The following CSMD1 variants were observed in gnomAD, a reference collection of about 807,000 sequenced individuals.
The protein encoded by CSMD1 is CUB and Sushi multiple domains 1, also known as CUB and sushi domain-containing protein 1.
A neutral mutation model predicts 417.5 loss-of-function variants in CSMD1; 213 were observed. The observed-to-expected ratio is 0.51, with a 90% CI of 0.46 to 0.57. CSMD1 has a LOEUF of 0.57. CSMD1 is among the 20% of genes least tolerant of loss of function. The probability of loss-of-function intolerance (pLI) is 0.00; values close to 1 mark genes in which losing one functional copy is unlikely to be tolerated. For missense variants in CSMD1, 6,923 were observed against 4,529.7 expected (o/e 1.53, Z -15.17); for synonymous variants, 2,862 against 1,736.8 (o/e 1.65, Z -16.11).
intron 3 of CSMD1, among the ~76,000 whole-genome samples, chr8:4,190,614 C>G (rs1475239254): frequency 6.6e-6 from 1 of 150,636 alleles, no homozygotes; most frequent in Admixed American, 6.6e-5. Context: ...AATGGAAGCT[C>G]AAAGGGGTTA....
intron 1 of CSMD1, among the ~76,000 whole-genome samples, chr8:4,805,790 CGTTGAGATG>C (rs1798554141): frequency 1.3e-5 from 2 of 152,076 alleles, no homozygotes; most frequent in African/African-American, 4.8e-5. Context: ...AGGGTGAACA[CGTTGAGATG>C]AAATGTGGTC....
intron 50 of CSMD1, among the ~76,000 whole-genome samples, chr8:3,046,157 T>C (rs919827080): frequency 1.3e-4 from 20 of 152,196 alleles, no homozygotes; most frequent in Admixed American, 1.3e-3. Flanking sequence ...TTTTGATTGC[T>C]ATGCTCACAA....
chr8:3,391,754 C>G (rs60180727), intron 17 of CSMD1, among the ~76,000 whole-genome samples: 29,606 of 152,114 alleles, frequency 0.19, 2,960 homozygotes, highest in African/African-American at 0.25. Flanking sequence ...AAGTCAGCCT[C>G]GAGTACCTGT....
intron 5 of CSMD1, among the ~76,000 whole-genome samples, chr8:3,989,167 G>A (rs945383806): frequency 6.6e-6 from 1 of 152,202 alleles, no homozygotes; most frequent in Non-Finnish European, 1.5e-5. Context: ...CCAAGCGTCT[G>A]CTCATTTGCT....
At chr8:3,261,543 G>A (rs7820340) in intron 26 of CSMD1, among the ~76,000 whole-genome samples, 119,427 of 152,010 alleles carry the variant, frequency 0.79, 47,415 homozygotes, top group Non-Finnish European at 0.84. Context: ...GAAAACCTGC[G>A]CGTGAATGTT....
intron 3 of CSMD1, among the ~76,000 whole-genome samples, chr8:4,143,156 T>G (rs749259789): frequency 1.3e-5 from 2 of 150,940 alleles, no homozygotes; most frequent in Non-Finnish European, 2.9e-5. Context: ...ACAAATGCAC[T>G]AGCAAATGTG....
intron 5 of CSMD1, among the ~76,000 whole-genome samples, chr8:3,782,859 C>T (rs925543648): frequency 1.3e-5 from 2 of 151,922 alleles, no homozygotes; most frequent in Admixed American, 6.6e-5. Context: ...TGCCCTAGCT[C>T]GCCTGGGAAT....
In CSMD1 at chr8:3,524,414, C is replaced by T. The variant is rs184550458; in HGVS notation, c.1345-30688G>A. Among the ~76,000 whole-genome samples, 1,431 of 151,590 alleles carry T rather than the reference C, an allele frequency of 9.4e-3. 12 individuals are homozygous for T. The highest frequency in any genetic ancestry group is 0.03 in the South Asian group (143 of 4,776). ...ACACATGCACACCCAGACATATGCA[C>T]ACACAACCAGACACATCTGCATCTG... is the stretch of plus-strand genomic sequence containing the variant. On this transcript the variant is annotated intron_variant, in intron 10 of 69. Coordinates refer to ENST00000635120, the MANE Select transcript of CSMD1 (RefSeq NM_033225.6).
At chr8:3,371,925 G>A (rs1012388766) in intron 18 of CSMD1, among the ~76,000 whole-genome samples, 8 of 152,270 alleles carry the variant, frequency 5.3e-5, no homozygotes, top group South Asian at 2.1e-4. Flanking sequence ...TCAACAAATC[G>A]TTATTGGGCA....
chr8:3,240,071 G>C (rs986576957), intron 26 of CSMD1, among the ~76,000 whole-genome samples: 1 of 152,178 alleles, frequency 6.6e-6, no homozygotes, highest in African/African-American at 2.4e-5. Context: ...GCCTCTAAAA[G>C]GATTAGGGTG....
chr8:4,014,598 G>C (rs898173426), intron 4 of CSMD1, among the ~76,000 whole-genome samples: 4 of 152,170 alleles, frequency 2.6e-5, no homozygotes, highest in African/African-American at 7.2e-5. Context: ...TCACTCCTGT[G>C]AGATTAAAAG....
chr8:3,488,086 GTAT>G (rs34188243), intron 11 of CSMD1, among the ~76,000 whole-genome samples: 2,639 of 148,266 alleles, frequency 0.018, 66 homozygotes, highest in East Asian at 0.12. Flanking sequence ...GAAACTCATA[GTAT>G]TATTATTATT....
chr8:3,487,320 G>C (rs565408377), intron 11 of CSMD1, among the ~76,000 whole-genome samples: 1 of 152,184 alleles, frequency 6.6e-6, no homozygotes, highest in African/African-American at 2.4e-5. Flanking sequence ...TCCTGCCTCA[G>C]CCTCCCAAGT....
intron 2 of CSMD1, among the ~76,000 whole-genome samples, chr8:4,423,616 A>G (rs1797375283): frequency 6.6e-6 from 1 of 152,082 alleles, no homozygotes; most frequent in African/African-American, 2.4e-5. Flanking sequence ...AATAATGTAA[A>G]GATATAGGTT....
intron 6 of CSMD1, among the ~76,000 whole-genome samples, chr8:3,739,223 T>A (rs1796674962): frequency 6.6e-6 from 1 of 152,186 alleles, no homozygotes; most frequent in Admixed American, 6.5e-5. Context: ...GTCCTCAAAC[T>A]TTTGTCCCAG....
intron 1 of CSMD1, among the ~76,000 whole-genome samples, chr8:4,909,922 C>A (rs1805551166): frequency 6.6e-6 from 1 of 152,086 alleles, no homozygotes; most frequent in Non-Finnish European, 1.5e-5. Flanking sequence ...TGGGAGTGAG[C>A]CCTTTACACG....
chr8:4,993,585 C>T, intron 1 of CSMD1, among the ~76,000 whole-genome samples: 1 of 152,298 alleles, frequency 6.6e-6, no homozygotes, highest in South Asian at 2.1e-4. Flanking sequence ...CAGAGAAACT[C>T]CTTCCCCTGA....
intron 1 of CSMD1, among the ~76,000 whole-genome samples, chr8:4,767,382 C>T (rs1371635650): frequency 1.3e-5 from 2 of 152,116 alleles, no homozygotes; most frequent in Non-Finnish European, 2.9e-5. Context: ...AACATAATCC[C>T]TTTCTTTTTA....
intron 9 of CSMD1, among the ~76,000 whole-genome samples, chr8:3,579,907 C>A (rs1214355100): frequency 6.6e-6 from 1 of 152,108 alleles, no homozygotes; most frequent in South Asian, 2.1e-4. Flanking sequence ...AGTTTGAGAC[C>A]AGCATGGCCA....
Sources: allele counts gnomAD v4.1 joint callset (sites outside exome capture counted in the v4.1 genomes callset), GRCh38; gene constraint gnomAD v4.1.1; transcripts MANE v1.5; gene names NCBI Gene and HGNC (gene_info 2026-07-23, HGNC 2026-07-21).